Variants in UNC13B observed in about 807,000 individuals in gnomAD.
UNC13B encodes protein unc-13 homolog B.
A neutral mutation model predicts 211.0 loss-of-function variants in UNC13B; 144 were observed. That is an observed-to-expected ratio of 0.68 (90% CI 0.60 to 0.78). UNC13B has a LOEUF of 0.78. Among genes scored for constraint, UNC13B ranks in the 30% least tolerant of loss-of-function variants. The pLI, the probability that UNC13B is intolerant of heterozygous loss-of-function variation, is 0.00. For missense variants in UNC13B, 1,777 were observed against 2,002.0 expected (o/e 0.89, Z 2.14); for synonymous variants, 709 against 725.8 (o/e 0.98, Z 0.37).
At chr9:35,169,069 G>A (rs2131251185) in intron 1 of UNC13B, among the ~76,000 whole-genome samples, 1 of 152,298 alleles carries the variant, frequency 6.6e-6, no homozygotes, top group Non-Finnish European at 1.5e-5. Context: ...ACTCGTTACT[G>A]GACAGGTGAG....
intron 12 of UNC13B, among the ~76,000 whole-genome samples, chr9:35,367,582 C>G (rs1380503588): frequency 6.6e-6 from 1 of 152,148 alleles, no homozygotes; most frequent in Non-Finnish European, 1.5e-5. Context: ...GCTGTGCTAT[C>G]AATACTAGAT....
At chr9:35,229,551 T>C (rs1825078735) in intron 2 of UNC13B, among the ~76,000 whole-genome samples, 1 of 152,148 alleles carries the variant, frequency 6.6e-6, no homozygotes, top group South Asian at 2.1e-4. Context: ...GGGAATCAGG[T>C]TTGTTTCAGC....
chr9:35,375,985 A>C (rs1365547288), intron 14 of UNC13B, 43 bp from the exon 15 acceptor site: 2 of 1,606,452 alleles, frequency 1.2e-6, no homozygotes, highest in South Asian at 2.2e-5. Flanking sequence ...GTCTCAAAAC[A>C]AACAAAAAAC....
intron 3 of UNC13B, among the ~76,000 whole-genome samples, chr9:35,233,435 C>T (rs1825320697): frequency 6.6e-6 from 1 of 152,126 alleles, no homozygotes; most frequent in South Asian, 2.1e-4. Context: ...TCTTCTTTTA[C>T]ACGTGGGTTT....
chr9:35,291,213 T>C lies in UNC13B; in HGVS notation c.527-4483T>C, dbSNP rs1436260851. On this transcript the variant is annotated intron_variant, in intron 7 of 39. Transcript: ENST00000635942. ...TCATGCATAGACTTCCATTTCCCTC[T>C]CCTCTCCTACTTAAATATCGGGAGA... 6 of 1,051,014 alleles carry C rather than the reference T, an allele frequency of 5.7e-6. No homozygotes were observed. In the Admixed American group the frequency reaches 1.4e-4, roughly 25 times the overall value. The allele number at this position is 1,051,014 out of a possible 1,614,324, so 65.1% of individuals were successfully genotyped here. A position where few individuals can be genotyped will look rare whatever the true frequency, so the allele number is the denominator to read the frequency against.
chr9:35,313,054 A>T (rs1201440664), intron 10 of UNC13B, among the ~76,000 whole-genome samples: 1 of 152,124 alleles, frequency 6.6e-6, no homozygotes, highest in Non-Finnish European at 1.5e-5. Flanking sequence ...AAGGGAACTG[A>T]TCGTTTTAAG....
chr9:35,351,963 T>A, intron 11 of UNC13B: 1 of 1,232,144 alleles, frequency 8.1e-7, no homozygotes, highest in Non-Finnish European at 1.0e-6. Context: ...GTAGAATACA[T>A]CATCAGAGAG....
Position 35,370,324 on chromosome 9 carries a change from C to T in UNC13B, c.9468C>T (p.Ala3156=), listed in dbSNP as rs138697622. Reference sequence around the variant, plus strand: ...TATTTTCTTCTCTCCTCAGGCCAGCCGGAGGGCTCTATGGCATTGACAGCA... The same window carrying T: ...TATTTTCTTCTCTCCTCAGGCCAGCTGGAGGGCTCTATGGCATTGACAGCA... ...SLPQWLPEGP[A]GGLYGIDSMP... is the part of the protein sequence containing the mutation. The change falls in exon 13 of 40, where the codon GCC becomes GCT. Residue 3156 remains alanine (A), a synonymous_variant. Transcript: ENST00000635942. 163 of 1,613,832 alleles carry T rather than the reference C, an allele frequency of 1.0e-4. No homozygotes were observed. Among genetic ancestry groups the T allele is most frequent in the Admixed American group, 5.5e-4 (33 of 60,006 alleles).
chr9:35,356,866 A>T (rs1833056508), intron 11 of UNC13B, among the ~76,000 whole-genome samples: 1 of 152,222 alleles, frequency 6.6e-6, no homozygotes, highest in Admixed American at 6.5e-5. Context: ...TTTATAAAAT[A>T]TGTGCCCTTT....
intron 1 of UNC13B, among the ~76,000 whole-genome samples, chr9:35,183,736 C>T (rs1388283185): frequency 1.5e-5 from 2 of 129,104 alleles, no homozygotes; most frequent in East Asian, 2.6e-4. Context: ...GACGGGGCAG[C>T]CGGGCAGAGG....
At chr9:35,350,289 A>G (rs890449617) in intron 11 of UNC13B, among the ~76,000 whole-genome samples, 1 of 152,042 alleles carries the variant, frequency 6.6e-6, no homozygotes, top group Non-Finnish European at 1.5e-5. Context: ...GTCTGTCTTT[A>G]CCTTATTGGA....
At position 35,366,928 on chromosome 9, in the gene UNC13B, T is replaced by A; in HGVS notation, c.9415-19T>A. Reference sequence around the variant, plus strand: ...CCATCTTTCCCAGGATCTAACTTGTTTCCTATCTCTTTTTAAAGATTCCAG... The same window carrying A: ...CCATCTTTCCCAGGATCTAACTTGTATCCTATCTCTTTTTAAAGATTCCAG... On this transcript the variant is annotated intron_variant, in intron 11 of 39. Transcript: ENST00000635942. 2 of 1,611,520 alleles carry A rather than the reference T, an allele frequency of 1.2e-6. No individual in the cohort carries two copies. Among genetic ancestry groups the A allele is most frequent in the Admixed American group, 1.7e-5 (1 of 60,006 alleles).
At chr9:35,241,557 GCACACA>G (rs3067420) in intron 5 of UNC13B, among the ~76,000 whole-genome samples, 17,347 of 144,962 alleles carry the variant, frequency 0.12, 1,138 homozygotes, top group East Asian at 0.29. Flanking sequence ...CTGAATATAA[GCACACA>G]CACACACACA....
chr9:35,327,785 T>C (rs1169563974), intron 11 of UNC13B, among the ~76,000 whole-genome samples: 1 of 152,212 alleles, frequency 6.6e-6, no homozygotes, highest in African/African-American at 2.4e-5. Flanking sequence ...TTCTGGAGCA[T>C]TGCAGCCATG....
rs753594578 is a variant in UNC13B, at chr9:35,378,382, G to A, written c.10151G>A (p.Arg3384His). 24 of 1,614,014 alleles carry A rather than the reference G, an allele frequency of 1.5e-5. 1 individual carries two copies. The highest frequency in any genetic ancestry group is 1.3e-4 in the South Asian group (12 of 91,086). The change falls in exon 17 of 40, where the codon CGT becomes CAT. Residue 3384 changes from arginine to histidine, a missense_variant. Arg to His is a conservative substitution (Grantham distance 29, BLOSUM62 0). Transcript: ENST00000635942. ...VTVQVSKTKK[R>H]TKTIFGNLNP... is the part of the protein sequence containing the mutation. ...GTGCAAGTCAGCAAAACTAAGAAGC[G>A]TACCAAGACCATTTTTGGAAACTTG...
chr9:35,171,392 A>G (rs1206107019), intron 1 of UNC13B, among the ~76,000 whole-genome samples: 1 of 152,100 alleles, frequency 6.6e-6, no homozygotes, highest in Non-Finnish European at 1.5e-5. Flanking sequence ...GTGAGCCACC[A>G]TGCCTGGTCT....
chr9:35,362,848 T>C (rs1334939606), intron 11 of UNC13B, among the ~76,000 whole-genome samples: 1 of 151,906 alleles, frequency 6.6e-6, no homozygotes, highest in African/African-American at 2.4e-5. Flanking sequence ...GGTTCTCATC[T>C]GTACAATGGT....
intron 10 of UNC13B, 60 bp from the exon 11 acceptor site, chr9:35,313,839 A>G: frequency 1.5e-6 from 2 of 1,340,714 alleles, no homozygotes; most frequent in Non-Finnish European, 1.1e-6. Flanking sequence ...TCTTGCCTTG[A>G]GCAGTGTCAC....
At position 35,347,271 on chromosome 9, in the gene UNC13B, C is replaced by T. The variant is rs1446051767; in HGVS notation, c.9415-19676C>T. Among the ~76,000 whole-genome samples the T allele has an allele frequency of 4.6e-5, 7 of 152,234 alleles. No individual in the cohort carries two copies. The South Asian group carries it at 1.5e-3, about 32-fold the overall frequency. On this transcript the variant is annotated intron_variant, in intron 11 of 39. Coordinates refer to ENST00000635942, the MANE Select transcript of UNC13B (RefSeq NM_001371189.2). The stretch of plus-strand genomic sequence containing the variant: ...GATCATCTATATATATCTTTCTCTC[C>T]AAATCTTAATGTATTAGAGAGCAGG...
Sources: allele counts gnomAD v4.1 joint callset (sites outside exome capture counted in the v4.1 genomes callset), GRCh38; gene constraint gnomAD v4.1.1; transcripts MANE v1.5; gene names NCBI Gene and HGNC (gene_info 2026-07-23, HGNC 2026-07-21).